The following CSTPP1 variants were observed in gnomAD, a reference collection of about 807,000 sequenced individuals.
CSTPP1 encodes centriolar satellite-associated tubulin polyglutamylase complex regulator 1.
the CSTPP1 span, among the ~76,000 whole-genome samples, chr11:46,980,852 G>A: frequency 1.3e-5 from 2 of 152,006 alleles, no homozygotes; most frequent in Non-Finnish European, 2.9e-5. Flanking sequence ...TTGTAATCAA[G>A]AAAAGTAAAA....
At chr11:47,149,015 C>G in the CSTPP1 span, among the ~76,000 whole-genome samples, 1 of 152,164 alleles carries the variant, frequency 6.6e-6, no homozygotes, top group African/African-American at 2.4e-5. Flanking sequence ...TCCTTGGCAC[C>G]CTTAGAACTC....
the CSTPP1 span, chr11:47,161,906 C>T: frequency 1.4e-5 from 17 of 1,240,088 alleles, no homozygotes; most frequent in African/African-American, 3.1e-5. Context: ...CACCTTGTCA[C>T]GCCGTAGCCT....
At chr11:47,149,157 G>C in the CSTPP1 span, among the ~76,000 whole-genome samples, 1 of 152,182 alleles carries the variant, frequency 6.6e-6, no homozygotes, top group Non-Finnish European at 1.5e-5. Context: ...ACATGGTTCT[G>C]CTCAGCACAG....
chr11:47,010,327 G>GTC, the CSTPP1 span, among the ~76,000 whole-genome samples: 290 of 152,306 alleles, frequency 1.9e-3, no homozygotes, highest in African/African-American at 6.8e-3. Flanking sequence ...TCTTCAAAGA[G>GTC]TCTCACTTTA....
chr11:47,077,200 T>G, the CSTPP1 span, among the ~76,000 whole-genome samples: 9 of 151,634 alleles, frequency 5.9e-5, no homozygotes, highest in Admixed American at 6.6e-5. Flanking sequence ...AAAGTTGTTT[T>G]TTTTTTTTTT....
At chr11:47,089,886 C>T in the CSTPP1 span, among the ~76,000 whole-genome samples, 1 of 152,136 alleles carries the variant, frequency 6.6e-6, no homozygotes, top group Admixed American at 6.5e-5. Flanking sequence ...TAGATCCAAA[C>T]AGTGAAGAGA....
the CSTPP1 span, among the ~76,000 whole-genome samples, chr11:46,969,818 G>A: frequency 2.0e-5 from 3 of 152,260 alleles, no homozygotes; most frequent in African/African-American, 7.2e-5. Context: ...AGGCTAGAGT[G>A]CAGTGGCATG....
At chr11:46,971,311 A>G in the CSTPP1 span, among the ~76,000 whole-genome samples, 3 of 152,228 alleles carry the variant, frequency 2.0e-5, no homozygotes, top group Non-Finnish European at 2.9e-5. Flanking sequence ...GAAATAAGAT[A>G]CTTTTGAGTT....
At chr11:46,942,860 C>T in the CSTPP1 span, among the ~76,000 whole-genome samples, 1 of 152,292 alleles carries the variant, frequency 6.6e-6, no homozygotes, top group East Asian at 1.9e-4. Context: ...GCATAGTAAA[C>T]AGGGGTTCAT....
At chr11:46,959,903 G>A in the CSTPP1 span, among the ~76,000 whole-genome samples, 1 of 131,142 alleles carries the variant, frequency 7.6e-6, no homozygotes, top group East Asian at 2.1e-4. Flanking sequence ...GTCTTTCTCT[G>A]TAACCCAGGC....
chr11:47,025,289 G>A, the CSTPP1 span, among the ~76,000 whole-genome samples: 2 of 152,074 alleles, frequency 1.3e-5, no homozygotes, highest in South Asian at 2.1e-4. Flanking sequence ...AACAGAAGGC[G>A]ACTCTGGAAA....
the CSTPP1 span, among the ~76,000 whole-genome samples, chr11:46,998,429 G>C: frequency 6.6e-6 from 1 of 152,176 alleles, no homozygotes; most frequent in Non-Finnish European, 1.5e-5. Context: ...GCTGTTTCTT[G>C]TCCCCAGAAA....
At chr11:47,010,800 C>T in the CSTPP1 span, among the ~76,000 whole-genome samples, 1 of 152,132 alleles carries the variant, frequency 6.6e-6, no homozygotes, top group Non-Finnish European at 1.5e-5. Context: ...TTCTTATTTA[C>T]AGGTAATATT....
chr11:46,942,162 T>C, the CSTPP1 span, among the ~76,000 whole-genome samples: 1 of 152,178 alleles, frequency 6.6e-6, no homozygotes, highest in South Asian at 2.1e-4. Context: ...TCTGCAGTCA[T>C]CAGAATGTAG....
chr11:47,096,659 G>T, the CSTPP1 span, among the ~76,000 whole-genome samples: 1 of 152,038 alleles, frequency 6.6e-6, no homozygotes, highest in Admixed American at 6.5e-5. Context: ...CATGACCTGT[G>T]TGTTCACCTA....
the CSTPP1 span, among the ~76,000 whole-genome samples, chr11:47,132,472 GTA>G: frequency 2.0e-5 from 3 of 152,178 alleles, no homozygotes; most frequent in East Asian, 1.9e-4. Flanking sequence ...TCAGAAAAGT[GTA>G]TATGTTACCT....
the CSTPP1 span, among the ~76,000 whole-genome samples, chr11:47,009,379 A>C: frequency 6.6e-6 from 1 of 152,242 alleles, no homozygotes; most frequent in Non-Finnish European, 1.5e-5. Flanking sequence ...ATACACTGCA[A>C]GGGATCATAA....
chr11:47,070,686 A>C, the CSTPP1 span, among the ~76,000 whole-genome samples: 1 of 152,104 alleles, frequency 6.6e-6, no homozygotes, highest in African/African-American at 2.4e-5. Flanking sequence ...GGCATTTTAA[A>C]TGCTCTGCAG....
chr11:47,018,743 G>C, the CSTPP1 span, among the ~76,000 whole-genome samples: 1 of 152,108 alleles, frequency 6.6e-6, no homozygotes, highest in African/African-American at 2.4e-5. Context: ...TATTCTAATA[G>C]GTATCTCATT....
Sources: gnomAD v4.1 joint callset for allele counts (sites outside exome capture counted in the v4.1 genomes callset) on GRCh38, gnomAD v4.1.1 for gene constraint, MANE v1.5 for transcripts, NCBI Gene and HGNC (gene_info 2026-07-23, HGNC 2026-07-21) for gene names.